ATP5PO: variants seen among roughly 807,000 people sequenced by gnomAD.
ATP5PO encodes ATP synthase peripheral stalk subunit OSCP, also known as ATP synthase peripheral stalk subunit OSCP, mitochondrial.
Under a neutral mutation model 26.2 loss-of-function variants are expected in ATP5PO, and 14 were observed. The ratio of observed to expected loss-of-function variants is 0.53; its 90% CI spans 0.35 to 0.83. The LOEUF is 0.83. ATP5PO is among the 40% of genes least tolerant of loss of function. The pLI, the probability that ATP5PO is intolerant of heterozygous loss-of-function variation, is 0.01. For synonymous variants in ATP5PO, 106 were observed against 95.1 expected (o/e 1.12, Z -0.67); for missense variants, 241 against 258.5 (o/e 0.93, Z 0.46).
Position 33,914,465 on chromosome 21 carries a change from A to G in ATP5PO, c.72T>C (p.Phe24=), listed in dbSNP as rs1432303370. 6.2e-7 allele frequency: 1 copy of G among 1,613,236 alleles called. No individual in the cohort carries two copies. The highest frequency in any genetic ancestry group is 1.7e-5 in the Admixed American group (1 of 59,886). ...RCFSTSVVRP[F]AKLVRPPVQV... The stretch of plus-strand genomic sequence containing the variant: ...ATTAACATACCCTCACAAGCTTGGC[A>G]AATGGTCTGACCACAGAGGTACTGA... The change falls in exon 2 of 7, where the codon TTT becomes TTC. Residue 24 remains phenylalanine (F), a synonymous_variant. Transcript: ENST00000290299.
At chr21:33,913,170 T>C (rs957994765) in intron 2 of ATP5PO, among the ~76,000 whole-genome samples, 4 of 152,204 alleles carry the variant, frequency 2.6e-5, no homozygotes, top group East Asian at 1.9e-4. Flanking sequence ...AACACTGTTA[T>C]GAAGTTTTAA....
intron 5 of ATP5PO, among the ~76,000 whole-genome samples, chr21:33,905,538 C>T (rs550511494): frequency 6.6e-6 from 1 of 152,286 alleles, no homozygotes; most frequent in South Asian, 2.1e-4. Context: ...GACTCACGCA[C>T]CCAACAGTAT....
intron 3 of ATP5PO, among the ~76,000 whole-genome samples, chr21:33,910,923 T>C (rs899903302): frequency 6.6e-6 from 1 of 152,264 alleles, no homozygotes; most frequent in Non-Finnish European, 1.5e-5. Flanking sequence ...ACTTATAGAC[T>C]ATACATACGA....
intron 2 of ATP5PO, among the ~76,000 whole-genome samples, chr21:33,913,866 G>A (rs1987279812): frequency 2.0e-5 from 3 of 151,676 alleles, no homozygotes; most frequent in South Asian, 2.1e-4. Flanking sequence ...TACAACCTCC[G>A]CCTCCCGGGC....
At chr21:33,903,728 C>T in intron 6 of ATP5PO, 89 bp from the exon 7 acceptor site, 1 of 1,392,464 alleles carries the variant, frequency 7.2e-7, no homozygotes, top group South Asian at 1.2e-5. Context: ...ATGTGTTGCA[C>T]AAATGTAAGA....
intron 5 of ATP5PO, chr21:33,906,704 C>T (rs970580405): frequency 1.1e-5 from 5 of 456,150 alleles, no homozygotes; most frequent in Non-Finnish European, 1.8e-5. Context: ...ACTCTAGTTT[C>T]AGGCCAGGTG....
chr21:33,909,071 C>G lies in ATP5PO; in HGVS notation c.328+11G>C, dbSNP rs377668300. The G allele has an allele frequency of 6.5e-5, 104 of 1,598,780 alleles. No individual in the cohort carries two copies. Among genetic ancestry groups the G allele is most frequent in the Non-Finnish European group, 8.5e-5 (100 of 1,171,996 alleles). On this transcript the variant is annotated intron_variant, in intron 4 of 6. Transcript: ENST00000290299. ...TCAAGACACCTCAAATGAAAAAGTT[C>G]TAATACTCACTGATCAGATTGGTAG... is the stretch of plus-strand genomic sequence containing the variant.
intron 3 of ATP5PO, 87 bp from the exon 4 acceptor site, chr21:33,909,298 G>A (rs1987217691): frequency 6.9e-7 from 1 of 1,441,568 alleles, no homozygotes; most frequent in African/African-American, 1.4e-5. Context: ...TTTCTTTTTT[G>A]GAGACAACGT....
At chr21:33,908,977 A>G in intron 4 of ATP5PO, 105 bp downstream of exon 4, 1 of 1,316,980 alleles carries the variant, frequency 7.6e-7, no homozygotes, top group East Asian at 2.4e-5. Context: ...GAGATTCTTC[A>G]CTGCCAACAG....
At chr21:33,910,126 A>T in intron 3 of ATP5PO, among the ~76,000 whole-genome samples, 1 of 152,244 alleles carries the variant, frequency 6.6e-6, no homozygotes, top group East Asian at 1.9e-4. Flanking sequence ...AGCTTCCAGC[A>T]TGTTGCTCCA....
At position 33,909,263 on chromosome 21, in the gene ATP5PO, A is replaced by G. The variant is rs199586762; in HGVS notation, c.199-52T>C. On this transcript the variant is annotated intron_variant, in intron 3 of 6. Coordinates refer to ENST00000290299, the MANE Select transcript of ATP5PO (RefSeq NM_001697.3). ...AAATTTTTTAGAGCACAAATGAAGG[A>G]TGTGCCATGCACACACTTTCTTTCT... The G allele has an allele frequency of 1.8e-4, 284 of 1,569,704 alleles. 1 individual carries two copies. Among genetic ancestry groups the G allele is most frequent in the Non-Finnish European group, 3.4e-5 (39 of 1,147,552 alleles).
Position 33,908,809 on chromosome 21 carries a change from C to T in ATP5PO, c.328+273G>A, listed in dbSNP as rs2834295. 0.6 allele frequency: 195,296 copies of T among 324,258 alleles called. 59,287 individuals carry two copies. The highest frequency in any genetic ancestry group is 0.68 in the East Asian group (13,813 of 20,376). The allele number at this position is 324,258 out of a possible 1,614,324, so 20.1% of individuals were successfully genotyped here. A position where few individuals can be genotyped will look rare whatever the true frequency, so the allele number is the denominator to read the frequency against. The stretch of plus-strand genomic sequence containing the variant: ...AACCATTTTCTTGGTAGGTATCACA[C>T]TGGCCGCCTCCACAGTTGAAACTAC... On this transcript the variant is annotated intron_variant, in intron 4 of 6. Transcript: ENST00000290299.
chr21:33,908,649 C>T (rs1244226102), intron 4 of ATP5PO, among the ~76,000 whole-genome samples: 1 of 152,180 alleles, frequency 6.6e-6, no homozygotes, highest in Non-Finnish European at 1.5e-5. Context: ...GTTGAGGCTG[C>T]AGTGAGCTGA....
rs770240406 is a variant in ATP5PO, at chr21:33,915,753, G to A, written c.11C>T (p.Pro4Leu). MAA[P>L]AVSGLSRQVR... is the part of the protein sequence containing the mutation. ...CTGCCGGGAGAGCCCGGACACTGCT[G>A]GGGCAGCCATCTTCTCCCGGGCGGC... The change falls in exon 1 of 7, where the codon CCA becomes CTA. Residue 4 changes from proline to leucine, a missense_variant. Around this residue, in one of 3 missense-constraint regions of ATP5PO, gnomAD observed 125 missense variants for 108.5 expected, o/e 1.15. Coordinates refer to ENST00000290299, the MANE Select transcript of ATP5PO (RefSeq NM_001697.3). 3.8e-5 allele frequency: 60 copies of A among 1,575,824 alleles called. No homozygotes were observed. Among genetic ancestry groups the A allele is most frequent in the Non-Finnish European group, 5.1e-5 (59 of 1,161,068 alleles).
chr21:33,909,121 C>A lies in ATP5PO; in HGVS notation c.289G>T (p.Ala97Ser). The A allele has an allele frequency of 6.2e-7, 1 of 1,612,912 alleles. No homozygotes were observed. Among genetic ancestry groups the A allele is most frequent in the African/African-American group, 1.3e-5 (1 of 75,010 alleles). ...IKVKSLNDIT[A>S]KERFSPLTTN... ...GTGAGGGGAGAGAACCTCTCTTTTG[C>A]TGTGATGTCATTTAGGCTTTTCACT... is the stretch of plus-strand genomic sequence containing the variant. Residue 97 changes from alanine (A) to serine (S), a missense_variant, in exon 4 of 7, where the codon GCA becomes TCA. Ala to Ser is a moderately conservative substitution (Grantham distance 99). This residue lies in a region of ATP5PO where 39 missense variants were observed against 75.5 expected (regional missense o/e 0.52). Coordinates refer to ENST00000290299, the MANE Select transcript of ATP5PO (RefSeq NM_001697.3).
At chr21:33,903,767 AAGT>A in intron 6 of ATP5PO, 128 bp from the exon 7 acceptor site, 1 of 1,147,390 alleles carries the variant, frequency 8.7e-7, no homozygotes, top group Non-Finnish European at 1.2e-6. Context: ...AAAAAGGCAA[AAGT>A]AAAACTGCAC....
intron 3 of ATP5PO, 42 bp from the exon 4 acceptor site, chr21:33,909,253 C>A (rs746812872): frequency 6.3e-7 from 1 of 1,591,500 alleles, no homozygotes; most frequent in South Asian, 1.1e-5. Flanking sequence ...TTTTAGAGCA[C>A]AAATGAAGGA....
chr21:33,912,148 A>C, intron 3 of ATP5PO, 141 bp downstream of exon 3: 1 of 527,638 alleles, frequency 1.9e-6, no homozygotes, highest in Non-Finnish European at 3.2e-6. Flanking sequence ...ACCCAATATT[A>C]TTACTAAAAA....
At chr21:33,910,265 T>C (rs114559285) in intron 3 of ATP5PO, among the ~76,000 whole-genome samples, 241 of 152,284 alleles carry the variant, frequency 1.6e-3, no homozygotes, top group African/African-American at 5.5e-3. Flanking sequence ...TGATCCAGGA[T>C]ACTGGTCAGA....
Sources: allele counts gnomAD v4.1 joint callset (sites outside exome capture counted in the v4.1 genomes callset), GRCh38; gene constraint gnomAD v4.1.1; regional missense constraint gnomAD v4.1.1; transcripts MANE v1.5; gene names NCBI Gene and HGNC (gene_info 2026-07-23, HGNC 2026-07-21).